The following SYNE2 variants were observed in gnomAD, a reference collection of about 807,000 sequenced individuals.
The protein encoded by SYNE2 is nesprin-2.
In SYNE2, 431 loss-of-function variants were observed where a neutral mutation model predicts 856.3. The observed-to-expected ratio is 0.50, with a 90% CI of 0.47 to 0.55. The LOEUF is 0.55. Ranked by LOEUF, SYNE2 falls within the 20% of genes least tolerant of loss-of-function variation. The pLI, the probability that SYNE2 is intolerant of heterozygous loss-of-function variation, is 0.00. For missense variants in SYNE2, 8,129 were observed against 8,023.2 expected, an observed-to-expected ratio of 1.01 and a Z score of -0.50; for synonymous variants, 2,923 against 2,872.3, an observed-to-expected ratio of 1.02 and a Z score of -0.56.
At chr14:64,199,480 G>A (rs753684627) in intron 99 of SYNE2, among the ~76,000 whole-genome samples, 36 of 152,126 alleles carry the variant, frequency 2.4e-4, no homozygotes, top group Non-Finnish European at 7.3e-5. Context: ...CGCTTTGGGA[G>A]GTTGAGGCAG....
At chr14:64,125,844 C>T (rs978446828) in intron 71 of SYNE2, among the ~76,000 whole-genome samples, 1 of 152,186 alleles carries the variant, frequency 6.6e-6, no homozygotes, top group East Asian at 1.9e-4. Flanking sequence ...CTTTCCCCCT[C>T]CTCTGCAGCC....
chr14:64,221,746 G>A (rs372692500), intron 112 of SYNE2, 42 bp downstream of exon 112: 108 of 1,608,724 alleles, frequency 6.7e-5, no homozygotes, highest in Non-Finnish European at 9.2e-5. Flanking sequence ...ACCAGCCTCT[G>A]TCAGCCCCAG....
At chr14:64,100,579 A>G (rs547632089) in intron 63 of SYNE2, among the ~76,000 whole-genome samples, 3 of 123,614 alleles carry the variant, frequency 2.4e-5, no homozygotes, top group Non-Finnish European at 3.4e-5. Context: ...TATTTATGAC[A>G]TGTATGATGT....
intron 1 of SYNE2, among the ~76,000 whole-genome samples, chr14:63,827,489 G>A (rs1889479981): frequency 6.6e-6 from 1 of 151,424 alleles, no homozygotes; most frequent in Non-Finnish European, 1.5e-5. Context: ...GCCGGGTGTG[G>A]TGGCGCATGC....
chr14:63,946,114 T>C (rs1398824150), intron 6 of SYNE2, among the ~76,000 whole-genome samples: 1 of 152,126 alleles, frequency 6.6e-6, no homozygotes, highest in Non-Finnish European at 1.5e-5. Flanking sequence ...TGTGTAATGA[T>C]TTATAGACTT....
At chr14:64,206,036 C>G (rs1026743955) in intron 100 of SYNE2, among the ~76,000 whole-genome samples, 6 of 152,204 alleles carry the variant, frequency 3.9e-5, no homozygotes, top group Non-Finnish European at 2.9e-5. Flanking sequence ...ATATGATTTT[C>G]TGTCTTTTCA....
intron 101 of SYNE2, 198 bp from the exon 102 acceptor site, chr14:64,209,230 C>A: frequency 1.0e-6 from 1 of 959,458 alleles, no homozygotes; most frequent in Non-Finnish European, 1.5e-6. Context: ...GTTTTTTAAC[C>A]TCTGTGAAGC....
intron 2 of SYNE2, among the ~76,000 whole-genome samples, chr14:63,934,218 C>T (rs1404063676): frequency 2.0e-5 from 3 of 152,192 alleles, no homozygotes; most frequent in African/African-American, 7.2e-5. Flanking sequence ...CATTTGTGCA[C>T]TGTCTCCTTT....
At chr14:63,796,072 G>T (rs900220763) in intron 1 of SYNE2, among the ~76,000 whole-genome samples, 1 of 152,214 alleles carries the variant, frequency 6.6e-6, no homozygotes, top group Non-Finnish European at 1.5e-5. Context: ...ATCTGTCCAA[G>T]GTTGTGCAGC....
intron 1 of SYNE2, among the ~76,000 whole-genome samples, chr14:63,778,008 A>G (rs186413315): frequency 6.6e-6 from 1 of 152,296 alleles, no homozygotes; most frequent in East Asian, 1.9e-4. Context: ...ATGAAAAAAC[A>G]GTAACTATGT....
chr14:63,936,961 G>A lies in SYNE2; in HGVS notation c.80-3653G>A, dbSNP rs151048572. ...TGGAGGCATTAGATATGAAACGTGA[G>A]AGAAAGGGAGGAGGCAACCTTGATG... On this transcript the variant is annotated intron_variant, in intron 2 of 115. Transcript: ENST00000555002. 3.3e-3 allele frequency among the ~76,000 whole-genome samples: 497 copies of A among 152,250 alleles called. 2 individuals carry two copies. Among genetic ancestry groups the A allele is most frequent in the African/African-American group, 0.011 (453 of 41,544 alleles).
intron 51 of SYNE2, 96 bp downstream of exon 51, chr14:64,065,746 A>AG (rs1257180391): frequency 7.4e-7 from 1 of 1,354,316 alleles, no homozygotes; most frequent in Non-Finnish European, 1.0e-6. Flanking sequence ...ACGAGTCCTT[A>AG]GCCTATACCA....
chr14:64,142,135 C>G (rs1476842619), intron 82 of SYNE2, 47 bp downstream of exon 82: 2 of 1,606,992 alleles, frequency 1.2e-6, no homozygotes, highest in Non-Finnish European at 1.7e-6. Context: ...AACAAGAAGG[C>G]TAATCAGAGG....
chr14:63,800,648 C>G (rs1387216931), intron 1 of SYNE2, among the ~76,000 whole-genome samples: 2 of 152,144 alleles, frequency 1.3e-5, no homozygotes, highest in Admixed American at 6.6e-5. Context: ...AGAAAAAGAT[C>G]ATGTATTTTG....
At position 64,049,883 on chromosome 14, in the gene SYNE2, G is replaced by A; in HGVS notation, c.7643+7G>A. On this transcript the variant is annotated splice_region_variant and intron_variant, in intron 47 of 115. Coordinates refer to ENST00000555002, the MANE Select transcript of SYNE2 (RefSeq NM_182914.3). ...ACAAGGAAAGTCTTAAAGTGTAAGT[G>A]TAAGAATTTAGGACTTGCATTCTTT... The A allele has an allele frequency of 3.7e-6, 6 of 1,613,588 alleles. No individual in the cohort carries two copies. The highest frequency in any genetic ancestry group is 5.1e-6 in the Non-Finnish European group (6 of 1,179,602).
rs759733468 is a variant in SYNE2 at position 64,167,358 on chromosome 14, G to A, written c.16731G>A (p.Arg5577=). 3.7e-6 allele frequency: 6 copies of A among 1,614,058 alleles called. No homozygotes were observed. In the African/African-American group the frequency reaches 8.0e-5, roughly 22 times the overall value. ...AAAATATGAACCGGCAATGGATTCGGGCCACGGCCACGGCACTGGAGCGCT... is the reference window on the plus strand; with the variant it reads ...AAAATATGAACCGGCAATGGATTCGAGCCACGGCCACGGCACTGGAGCGCT... The part of the protein sequence containing the change: ...TLQNMNRQWI[R]ATATALERCS... The change falls in exon 91 of 116, where the codon CGG becomes CGA. Residue 5577 remains arginine (R), a synonymous_variant. Coordinates refer to ENST00000555002, the MANE Select transcript of SYNE2 (RefSeq NM_182914.3).
In SYNE2 at chr14:64,062,756, T is replaced by G. The variant is rs752681009; in HGVS notation, c.10073T>G (p.Leu3358Arg). The change falls in exon 50 of 116, where the codon CTT (leucine) becomes CGT (arginine). Residue 3358 changes from leucine (L) to arginine (R), a missense_variant. Transcript: ENST00000555002. ...TTCTAACTGTGACTCACTAGGTATC[T>G]TGAGAATTACAAATGCTATAGAAAA... The part of the protein sequence containing the change: ...KAQETEAERY[L>R]ENYKCYRKME... 1.2e-6 allele frequency: 2 copies of G among 1,613,422 alleles called. No homozygotes were observed. Among genetic ancestry groups the G allele is most frequent in the Middle Eastern group, 1.6e-4 (1 of 6,084 alleles).
In SYNE2 at chr14:64,165,290, T is replaced by C; in HGVS notation, c.16485T>C (p.Val5495=). ...GAAAATTTCTCTTGTTCTAGTTTGTTCTCTCACAGTTTAAGGATTTTGGAG... is the reference window on the plus strand; with the variant it reads ...GAAAATTTCTCTTGTTCTAGTTTGTCCTCTCACAGTTTAAGGATTTTGGAG... ...LLVKANEFEF[V]LSQFKDFGVR... is the part of the protein sequence containing the mutation. Residue 5495 remains valine (V), a synonymous_variant, in exon 90 of 116, where the codon GTT becomes GTC. Transcript: ENST00000555002. The C allele has an allele frequency of 6.2e-7, 1 of 1,613,692 alleles. No homozygotes were observed. Among genetic ancestry groups the C allele is most frequent in the Non-Finnish European group, 8.5e-7 (1 of 1,179,682 alleles).
intron 96 of SYNE2, among the ~76,000 whole-genome samples, chr14:64,179,096 A>T (rs553245044): frequency 6.6e-6 from 1 of 152,226 alleles, no homozygotes; most frequent in African/African-American, 2.4e-5. Context: ...CAAAATACAT[A>T]AATTTTAAAA....
Sources: gnomAD v4.1 joint callset for allele counts (sites outside exome capture counted in the v4.1 genomes callset) on GRCh38, gnomAD v4.1.1 for gene constraint, MANE v1.5 for transcripts, NCBI Gene and HGNC (gene_info 2026-07-23, HGNC 2026-07-21) for gene names.